The following NCAM2 variants were observed in gnomAD, a reference collection of about 807,000 sequenced individuals.
NCAM2 encodes the protein neural cell adhesion molecule 2.
A neutral mutation model predicts 98.1 loss-of-function variants in NCAM2; 30 were observed. That is an observed-to-expected ratio of 0.31 (90% CI 0.23 to 0.41). NCAM2 has a LOEUF of 0.41. Ranked by LOEUF, NCAM2 falls within the 10% of genes least tolerant of loss-of-function variation. The pLI is 1.00. For missense variants in NCAM2, 867 were observed against 1,005.8 expected, an observed-to-expected ratio of 0.86 and a Z score of 1.87; for synonymous variants, 368 against 342.4, an observed-to-expected ratio of 1.07 and a Z score of -0.83.
At chr21:21,072,565 A>T (rs540637544) in intron 1 of NCAM2, among the ~76,000 whole-genome samples, 197 of 152,278 alleles carry the variant, frequency 1.3e-3, no homozygotes, top group African/African-American at 4.7e-3. Flanking sequence ...TAAATAAATT[A>T]GACTTTTTGC....
intron 1 of NCAM2, among the ~76,000 whole-genome samples, chr21:21,137,430 G>T (rs1036140959): frequency 6.6e-6 from 1 of 152,148 alleles, no homozygotes; most frequent in African/African-American, 2.4e-5. Context: ...TCAGGTGAGA[G>T]ACTTCAATAT....
intron 12 of NCAM2, among the ~76,000 whole-genome samples, chr21:21,447,753 C>T (rs1397049938): frequency 1.3e-5 from 2 of 151,930 alleles, no homozygotes; most frequent in East Asian, 1.9e-4. Context: ...CAGACACTTC[C>T]CAAAGAAGAC....
rs1990301715 is a variant in NCAM2 at position 21,543,164 on chromosome 21, G to A, written c.*5207G>A. On this transcript the variant is annotated 3_prime_UTR_variant, in exon 18 of 18. Transcript: ENST00000400546. ...AACGTTTTCTTATTGTTTCAATATG[G>A]TATGTCCCAATGAAATGCTGTATAT... is the stretch of plus-strand genomic sequence containing the variant. 6.6e-6 allele frequency: 1 copy of A among 151,370 alleles called. No homozygotes were observed. Among genetic ancestry groups the A allele is most frequent in the Non-Finnish European group, 1.5e-5 (1 of 67,738 alleles). 9.4% of individuals were successfully genotyped at this position (151,370 alleles called of 1,614,324 possible). A position where few individuals can be genotyped will look rare whatever the true frequency, so the allele number is the denominator to read the frequency against.
At chr21:21,351,036 C>T (rs1272057287) in intron 8 of NCAM2, among the ~76,000 whole-genome samples, 2 of 141,152 alleles carry the variant, frequency 1.4e-5, no homozygotes, top group Non-Finnish European at 3.0e-5. Flanking sequence ...ATGGCGTGAA[C>T]GCGGGAGGCG....
chr21:21,147,999 G>C (rs1347441931), intron 1 of NCAM2, among the ~76,000 whole-genome samples: 1 of 152,006 alleles, frequency 6.6e-6, no homozygotes, highest in African/African-American at 2.4e-5. Context: ...ACTGAGGGCA[G>C]GATAAGATGG....
chr21:21,200,933 A>T (rs2147023961), intron 1 of NCAM2, among the ~76,000 whole-genome samples: 1 of 152,150 alleles, frequency 6.6e-6, no homozygotes, highest in Middle Eastern at 3.4e-3. Flanking sequence ...ATGTGTATAG[A>T]TCTTCTCCAA....
intron 16 of NCAM2, among the ~76,000 whole-genome samples, 164 bp from the exon 17 acceptor site, chr21:21,534,373 G>A (rs1166235542): frequency 6.6e-6 from 1 of 151,916 alleles, no homozygotes; most frequent in Non-Finnish European, 1.5e-5. Context: ...AATATATGGT[G>A]AAACAAATTT....
intron 9 of NCAM2, among the ~76,000 whole-genome samples, chr21:21,401,668 C>T (rs1403508919): frequency 6.6e-6 from 1 of 152,012 alleles, no homozygotes; most frequent in Non-Finnish European, 1.5e-5. Flanking sequence ...TGTATATATA[C>T]TATGTGTTTT....
intron 9 of NCAM2, among the ~76,000 whole-genome samples, chr21:21,402,466 A>G (rs768534358): frequency 6.6e-6 from 1 of 152,066 alleles, no homozygotes; most frequent in Non-Finnish European, 1.5e-5. Flanking sequence ...TCTGCTCTCA[A>G]ACCCTGTTTT....
intron 14 of NCAM2, among the ~76,000 whole-genome samples, chr21:21,475,313 G>T (rs554675527): frequency 6.6e-6 from 1 of 152,022 alleles, no homozygotes; most frequent in Non-Finnish European, 1.5e-5. Context: ...GGTATTATGT[G>T]CCTCCATTCC....
chr21:21,310,504 A>T (rs2147711756), intron 5 of NCAM2, among the ~76,000 whole-genome samples: 1 of 152,310 alleles, frequency 6.6e-6, no homozygotes, highest in African/African-American at 2.4e-5. Context: ...AAGAGTCATG[A>T]TTCCCTCAAA....
intron 1 of NCAM2, among the ~76,000 whole-genome samples, chr21:21,093,524 A>C (rs1403052264): frequency 6.6e-6 from 1 of 152,062 alleles, no homozygotes; most frequent in African/African-American, 2.4e-5. Context: ...CCTGTTAAAG[A>C]AAATTGTCTT....
intron 1 of NCAM2, among the ~76,000 whole-genome samples, chr21:21,113,415 T>G (rs1252684003): frequency 6.6e-6 from 1 of 151,848 alleles, no homozygotes; most frequent in Non-Finnish European, 1.5e-5. Flanking sequence ...CACTTAACGG[T>G]GCACTATTGG....
chr21:21,493,811 T>C (rs1410807505), intron 15 of NCAM2, among the ~76,000 whole-genome samples: 1 of 151,956 alleles, frequency 6.6e-6, no homozygotes. Flanking sequence ...TTTTACATTA[T>C]GTAGCCTTTG....
intron 15 of NCAM2, among the ~76,000 whole-genome samples, chr21:21,482,290 CATT>C (rs1985961759): frequency 6.6e-6 from 1 of 151,866 alleles, no homozygotes; most frequent in African/African-American, 2.4e-5. Context: ...ATAGAGTTAA[CATT>C]ATATATTTGC....
rs2074937105 is a variant in NCAM2 at position 21,338,413 on chromosome 21, A to G, written c.923A>G (p.Lys308Arg). The G allele has an allele frequency of 6.2e-7, 1 of 1,612,140 alleles. No individual in the cohort carries two copies. Among genetic ancestry groups the G allele is most frequent in the Non-Finnish European group, 8.5e-7 (1 of 1,178,574 alleles). ...GTACAGCCTCACATAATACAGCTTA[A>G]AAATGAAACTACATATGAGAATGGT... ...VFVQPHIIQL[K>R]NETTYENGQV... Residue 308 changes from lysine (K) to arginine (R), a missense_variant, in exon 8 of 18, where the codon AAA becomes AGA. This residue lies in a region of NCAM2 where 447 missense variants were observed against 495.7 expected (regional missense o/e 0.90). Transcript: ENST00000400546.
At chr21:21,535,478 C>T (rs1989934819) in intron 17 of NCAM2, among the ~76,000 whole-genome samples, 2 of 151,848 alleles carry the variant, frequency 1.3e-5, no homozygotes, top group Non-Finnish European at 2.9e-5. Context: ...GTTTCTCATC[C>T]TAAATCAAAG....
intron 6 of NCAM2, among the ~76,000 whole-genome samples, chr21:21,326,869 A>G (rs2074525495): frequency 0.012 from 1 of 82 alleles, no homozygotes; most frequent in South Asian, 0.5. Flanking sequence ...CTGACCTTGT[A>G]TCTGACATAT....
intron 1 of NCAM2, among the ~76,000 whole-genome samples, chr21:21,248,638 G>A (rs2071365985): frequency 2.6e-5 from 4 of 151,786 alleles, no homozygotes; most frequent in Admixed American, 6.6e-5. Context: ...TTAGCTGGGC[G>A]TGGTGGCGGG....
Sources: allele counts gnomAD v4.1 joint callset (sites outside exome capture counted in the v4.1 genomes callset), GRCh38; gene constraint gnomAD v4.1.1; regional missense constraint gnomAD v4.1.1; transcripts MANE v1.5; gene names NCBI Gene and HGNC (gene_info 2026-07-23, HGNC 2026-07-21).